Variants in MGAT4C observed in about 807,000 individuals in gnomAD.
MGAT4C encodes alpha-1,3-mannosyl-glycoprotein 4-beta-N-acetylglucosaminyltransferase C.
A neutral mutation model predicts 40.1 loss-of-function variants in MGAT4C; 19 were observed. That is an observed-to-expected ratio of 0.47 (90% CI 0.33 to 0.70). The LOEUF (loss-of-function observed/expected upper bound fraction) is 0.70. Ranked by LOEUF, MGAT4C falls within the 30% of genes least tolerant of loss-of-function variation. The pLI is 0.02. For synonymous variants in MGAT4C, 181 were observed against 187.1 expected (o/e 0.97, Z 0.27); for missense variants, 491 against 563.2 (o/e 0.87, Z 1.30).
At chr12:86,770,284 T>G (rs915650012) in intron 1 of MGAT4C, among the ~76,000 whole-genome samples, 6 of 152,204 alleles carry the variant, frequency 3.9e-5, no homozygotes, top group African/African-American at 1.2e-4. Flanking sequence ...CTACCAAATT[T>G]ATATGAATGC....
intron 3 of MGAT4C, among the ~76,000 whole-genome samples, chr12:86,344,692 C>T (rs1476152373): frequency 6.9e-6 from 1 of 145,980 alleles, no homozygotes; most frequent in Non-Finnish European, 1.5e-5. Context: ...GTTAAATAGA[C>T]AGCAATATAG....
chr12:86,338,194 G>T (rs1954830069), intron 3 of MGAT4C, among the ~76,000 whole-genome samples: 1 of 152,092 alleles, frequency 6.6e-6, no homozygotes, highest in Non-Finnish European at 1.5e-5. Flanking sequence ...AGTGGGTAAG[G>T]GTAAGCCAGC....
intron 1 of MGAT4C, among the ~76,000 whole-genome samples, chr12:86,203,383 A>T (rs887814843): frequency 1.3e-5 from 2 of 152,114 alleles, no homozygotes; most frequent in Admixed American, 6.5e-5. Context: ...GCTGAACAGG[A>T]GCTATTGTCT....
intron 1 of MGAT4C, among the ~76,000 whole-genome samples, chr12:86,130,959 T>C (rs1881087251): frequency 6.6e-6 from 1 of 152,048 alleles, no homozygotes; most frequent in African/African-American, 2.4e-5. Flanking sequence ...TCTACTATAA[T>C]GTTGACTACC....
chr12:86,008,404 TTTTTC>T (rs1197599988), intron 2 of MGAT4C, among the ~76,000 whole-genome samples: 6 of 152,038 alleles, frequency 3.9e-5, no homozygotes, highest in Admixed American at 3.9e-4. Context: ...AATTTTATCT[TTTTTC>T]TATTATAACA....
At chr12:86,194,173 A>T (rs1214708289) in intron 1 of MGAT4C, among the ~76,000 whole-genome samples, 2 of 152,210 alleles carry the variant, frequency 1.3e-5, no homozygotes, top group African/African-American at 4.8e-5. Context: ...TGTGATTCAT[A>T]CTATCAATGC....
rs1883402678 is a variant in MGAT4C, at chr12:85,967,033, C to T, written c.*12256G>A. On this transcript the variant is annotated 3_prime_UTR_variant, in exon 5 of 5. Transcript: ENST00000611864. The stretch of plus-strand genomic sequence containing the variant: ...CAAGTTGTGCACATGTACCCTAAAA[C>T]TTAAAGTATAATAATAAAAAAATTC... The T allele has an allele frequency of 6.6e-6, 1 of 152,012 alleles. No homozygotes were observed. Among genetic ancestry groups the T allele is most frequent in the Admixed American group, 6.6e-5 (1 of 15,256 alleles). 9.4% of individuals were successfully genotyped at this position (152,012 alleles called of 1,614,324 possible). A position where few individuals can be genotyped will look rare whatever the true frequency, so the allele number is the denominator to read the frequency against.
At chr12:86,262,962 C>T (rs984827878) in intron 4 of MGAT4C, among the ~76,000 whole-genome samples, 1 of 151,934 alleles carries the variant, frequency 6.6e-6, no homozygotes, top group African/African-American at 2.4e-5. Flanking sequence ...AAAACTTTGT[C>T]ATTTGTTTAA....
chr12:86,528,820 G>A (rs772758803), intron 2 of MGAT4C, among the ~76,000 whole-genome samples: 1 of 151,862 alleles, frequency 6.6e-6, no homozygotes, highest in East Asian at 1.9e-4. Context: ...TCTTCTGACT[G>A]ATAATCAGCT....
rs1883385139 is a variant in MGAT4C, at chr12:85,966,715, A to T, written c.*12574T>A. Reference sequence around the variant, plus strand: ...ACATATACACCATGGAATACTATGCAGCCATAAAAAATGATGAGTTCATGT... The same window carrying T: ...ACATATACACCATGGAATACTATGCTGCCATAAAAAATGATGAGTTCATGT... On this transcript the variant is annotated 3_prime_UTR_variant, in exon 5 of 5. Coordinates refer to ENST00000611864, the MANE Select transcript of MGAT4C (RefSeq NM_001351288.2). 1 of 152,196 alleles carries T rather than the reference A, an allele frequency of 6.6e-6. No individual in the cohort carries two copies. The highest frequency in any genetic ancestry group is 2.1e-4 in the South Asian group (1 of 4,822). 9.4% of individuals were successfully genotyped at this position (152,196 alleles called of 1,614,324 possible). A position where few individuals can be genotyped will look rare whatever the true frequency, so the allele number is the denominator to read the frequency against.
At chr12:86,424,324 A>G (rs1255468268) in intron 3 of MGAT4C, among the ~76,000 whole-genome samples, 2 of 152,154 alleles carry the variant, frequency 1.3e-5, no homozygotes, top group Admixed American at 6.5e-5. Flanking sequence ...CACTCTTCCA[A>G]TCATCACAGG....
At position 86,447,546 on chromosome 12, in the gene MGAT4C, G is replaced by GT. The variant is rs528848245; in HGVS notation, c.-228-12282dup. 1.0e-3 allele frequency among the ~76,000 whole-genome samples: 156 copies of GT among 151,276 alleles called. 1 individual carries two copies. The highest frequency in any genetic ancestry group is 3.4e-3 in the Middle Eastern group (1 of 292). On this transcript the variant is annotated intron_variant, in intron 2 of 7. Coordinates refer to the MGAT4C transcript ENST00000548651. ...AAATCTTTACCCTTCATGAGTACCA[G>GT]TTTTTTTTTAACTTTTTTTTACTCT...
intron 3 of MGAT4C, among the ~76,000 whole-genome samples, chr12:86,416,146 G>A (rs1956707355): frequency 6.6e-6 from 1 of 152,026 alleles, no homozygotes; most frequent in Admixed American, 6.6e-5. Context: ...AGAAATATTA[G>A]TTAACTAAGT....
chr12:86,800,483 A>G (rs1050792998), intron 1 of MGAT4C, among the ~76,000 whole-genome samples: 1 of 151,824 alleles, frequency 6.6e-6, no homozygotes, highest in African/African-American at 2.4e-5. Context: ...TTCTGTTTTC[A>G]TATTGAGCTC....
chr12:86,559,904 C>T (rs1373283439), intron 2 of MGAT4C, among the ~76,000 whole-genome samples: 1 of 151,768 alleles, frequency 6.6e-6, no homozygotes, highest in Non-Finnish European at 1.5e-5. Context: ...AACCAAGAAA[C>T]TTCTAGCTAG....
chr12:86,699,573 G>T (rs1950318763), intron 2 of MGAT4C, among the ~76,000 whole-genome samples: 1 of 152,102 alleles, frequency 6.6e-6, no homozygotes, highest in South Asian at 2.1e-4. Context: ...GGGGGTAGGA[G>T]CTGTTAACCC....
chr12:86,643,238 C>A (rs998522974), intron 2 of MGAT4C, among the ~76,000 whole-genome samples: 1 of 151,720 alleles, frequency 6.6e-6, no homozygotes, highest in African/African-American at 2.4e-5. Context: ...GAGGGCAGAG[C>A]CGCCATGACC....
At chr12:86,238,721 A>C (rs1280603170) in intron 1 of MGAT4C, among the ~76,000 whole-genome samples, 1 of 152,068 alleles carries the variant, frequency 6.6e-6, no homozygotes, top group Non-Finnish European at 1.5e-5. Flanking sequence ...AGAATGAAAA[A>C]GTTACTGGAG....
chr12:86,760,761 C>G (rs1223973628), intron 1 of MGAT4C, among the ~76,000 whole-genome samples: 3 of 152,090 alleles, frequency 2.0e-5, no homozygotes, highest in Non-Finnish European at 4.4e-5. Flanking sequence ...GCTGAGAGTA[C>G]TCTCAGCTCA....
Sources: allele counts gnomAD v4.1 joint callset (sites outside exome capture counted in the v4.1 genomes callset), GRCh38; gene constraint gnomAD v4.1.1; transcripts MANE v1.5; gene names NCBI Gene and HGNC (gene_info 2026-07-23, HGNC 2026-07-21).